Variants in CADM2 observed in about 807,000 individuals in gnomAD.
CADM2 encodes the protein cell adhesion molecule 2.
CADM2 carries 12 observed loss-of-function variants against 49.8 expected under a neutral mutation model. That is an observed-to-expected ratio of 0.24 (90% confidence interval 0.15 to 0.39). The LOEUF (loss-of-function observed/expected upper bound fraction) is 0.39. Among genes scored for constraint, CADM2 ranks in the 10% least tolerant of loss-of-function variants. The pLI, the probability that CADM2 is intolerant of heterozygous loss-of-function variation, is 1.00. For synonymous variants in CADM2, 214 were observed against 175.4 expected (o/e 1.22, Z -1.74); for missense variants, 378 against 492.3 (o/e 0.77, Z 2.20).
chr3:85,274,440 GAGC>G lies in CADM2; in HGVS notation c.61+314777_61+314779del, dbSNP rs535194657. The stretch of plus-strand genomic sequence containing the variant: ...AGGGATCTAGGACATATGTAGCAGA[GAGC>G]AGCAACCTGAAATTTAAATCACAGA... On this transcript the variant is annotated intron_variant, in intron 1 of 9. Transcript: ENST00000383699. Among the ~76,000 whole-genome samples the G allele has an allele frequency of 9.0e-3, 1,366 of 151,496 alleles. 8 individuals carry two copies. Among genetic ancestry groups the G allele is most frequent in the Non-Finnish European group, 0.015 (1,031 of 67,588 alleles).
At chr3:85,256,347 A>C (rs1453769332) in intron 1 of CADM2, among the ~76,000 whole-genome samples, 1 of 152,112 alleles carries the variant, frequency 6.6e-6, no homozygotes, top group African/African-American at 2.4e-5. Context: ...TAAAACTTCC[A>C]GATCAGCAGT....
chr3:85,094,682 G>T (rs763475209), intron 1 of CADM2, among the ~76,000 whole-genome samples: 1 of 152,088 alleles, frequency 6.6e-6, no homozygotes, highest in Non-Finnish European at 1.5e-5. Flanking sequence ...ATTATGAAAC[G>T]CATGTTTTGC....
At chr3:85,230,112 G>T (rs2042253372) in intron 1 of CADM2, among the ~76,000 whole-genome samples, 1 of 152,080 alleles carries the variant, frequency 6.6e-6, no homozygotes, top group Non-Finnish European at 1.5e-5. Flanking sequence ...CCCTCCCTGG[G>T]CCCTGGTATG....
chr3:85,549,634 T>C (rs897098036), intron 1 of CADM2, among the ~76,000 whole-genome samples: 1 of 152,032 alleles, frequency 6.6e-6, no homozygotes, highest in Non-Finnish European at 1.5e-5. Flanking sequence ...TTTATTTATT[T>C]ATTTATTTAT....
At chr3:85,824,215 A>G (rs2073774191) in intron 3 of CADM2, among the ~76,000 whole-genome samples, 1 of 152,180 alleles carries the variant, frequency 6.6e-6, no homozygotes, top group Non-Finnish European at 1.5e-5. Context: ...AGAATATTGA[A>G]GCAGAGGGAA....
chr3:85,904,214 G>C (rs1716496309), intron 5 of CADM2, among the ~76,000 whole-genome samples: 1 of 152,084 alleles, frequency 6.6e-6, no homozygotes, highest in African/African-American at 2.4e-5. Flanking sequence ...GTCTCTTCTG[G>C]ATTGAAATCT....
chr3:85,339,538 T>TC (rs1230395975), intron 1 of CADM2, among the ~76,000 whole-genome samples: 1 of 149,482 alleles, frequency 6.7e-6, no homozygotes, highest in Non-Finnish European at 1.5e-5. Context: ...ATCTTTTTTT[T>TC]CTCCTTTTTT....
rs1576479842 is a variant in CADM2 at position 85,397,709 on chromosome 3, G to A, written c.62-328813G>A. Among the ~76,000 whole-genome samples, 5 of 152,230 alleles carry A rather than the reference G, an allele frequency of 3.3e-5. 1 individual carries two copies. The South Asian group carries it at 1.0e-3, about 32-fold the overall frequency. ...TCATACAGACACAAAACAGAATAGA[G>A]ACTATTGAAGGCTGAGGGGGAGGGG... On this transcript the variant is annotated intron_variant, in intron 1 of 9. Transcript: ENST00000383699.
chr3:86,016,700 A>C (rs1037786927), intron 8 of CADM2, among the ~76,000 whole-genome samples: 8 of 152,226 alleles, frequency 5.3e-5, no homozygotes, highest in African/African-American at 1.7e-4. Flanking sequence ...AACCTCCTGA[A>C]TTCAGTCTCT....
chr3:85,810,216 G>C (rs1182936577), intron 3 of CADM2, among the ~76,000 whole-genome samples: 2 of 152,086 alleles, frequency 1.3e-5, no homozygotes, highest in African/African-American at 4.8e-5. Flanking sequence ...TATGTAAATT[G>C]ACATCTCTTT....
intron 8 of CADM2, among the ~76,000 whole-genome samples, chr3:85,988,403 T>A (rs1187911725): frequency 1.3e-5 from 2 of 152,178 alleles, no homozygotes; most frequent in Admixed American, 6.5e-5. Context: ...AATATGTACA[T>A]AACATTTATA....
chr3:85,724,679 C>CT (rs1176435132), intron 1 of CADM2, among the ~76,000 whole-genome samples: 7 of 150,766 alleles, frequency 4.6e-5, no homozygotes, highest in South Asian at 2.1e-4. Context: ...AAAATGCACA[C>CT]TTTTTTTTTA....
At chr3:85,903,771 G>C (rs1183046471) in intron 5 of CADM2, among the ~76,000 whole-genome samples, 2 of 152,062 alleles carry the variant, frequency 1.3e-5, no homozygotes, top group Non-Finnish European at 2.9e-5. Flanking sequence ...CTCTGCTTAC[G>C]TTAGTATCAC....
At chr3:85,456,760 T>C (rs1444913489) in intron 1 of CADM2, among the ~76,000 whole-genome samples, 1 of 151,976 alleles carries the variant, frequency 6.6e-6, no homozygotes, top group Non-Finnish European at 1.5e-5. Flanking sequence ...ACAAAGTTGA[T>C]GCATACAAAG....
intron 8 of CADM2, among the ~76,000 whole-genome samples, chr3:85,971,077 G>T (rs1013021819): frequency 3.3e-5 from 5 of 151,420 alleles, no homozygotes; most frequent in Non-Finnish European, 7.4e-5. Flanking sequence ...GTTCACTGAC[G>T]TTAATATTTT....
At chr3:85,985,744 T>C (rs769267604) in intron 8 of CADM2, among the ~76,000 whole-genome samples, 1 of 151,974 alleles carries the variant, frequency 6.6e-6, no homozygotes, top group Non-Finnish European at 1.5e-5. Context: ...AACTACTTTT[T>C]CACTCTAAAA....
intron 1 of CADM2, among the ~76,000 whole-genome samples, chr3:85,260,952 A>G (rs2043001876): frequency 6.6e-6 from 1 of 151,822 alleles, no homozygotes; most frequent in Admixed American, 6.6e-5. Flanking sequence ...ATTAGCCGTG[A>G]CTCCTGCGCT....
At chr3:86,064,205 C>G (rs966593366) in intron 8 of CADM2, among the ~76,000 whole-genome samples, 4 of 152,030 alleles carry the variant, frequency 2.6e-5, no homozygotes, top group Non-Finnish European at 5.9e-5. Context: ...TCCCTCCCCT[C>G]TTCCCCCACC....
chr3:85,058,275 G>A (rs1046250465), intron 1 of CADM2, among the ~76,000 whole-genome samples: 1 of 152,008 alleles, frequency 6.6e-6, no homozygotes, highest in Non-Finnish European at 1.5e-5. Context: ...GATCTTCCTA[G>A]TTCAAGAAAA....
Sources: gnomAD v4.1 joint callset for allele counts (sites outside exome capture counted in the v4.1 genomes callset) on GRCh38, gnomAD v4.1.1 for gene constraint, MANE v1.5 for transcripts, NCBI Gene and HGNC (gene_info 2026-07-23, HGNC 2026-07-21) for gene names.